JAZF1: variants seen among roughly 807,000 people sequenced by gnomAD.
JAZF1 encodes juxtaposed with another zinc finger protein 1.
In JAZF1, 8 loss-of-function variants were observed where a neutral mutation model predicts 26.4. The ratio of observed to expected loss-of-function variants is 0.30; its 90% CI spans 0.18 to 0.55. The LOEUF is 0.55. Among genes scored for constraint, JAZF1 ranks in the 20% least tolerant of loss-of-function variants. The pLI is 0.94. For missense variants in JAZF1, 199 were observed against 322.0 expected (o/e 0.62, Z 2.92); for synonymous variants, 126 against 122.3 (o/e 1.03, Z -0.20).
chr7:27,831,750 C>T lies in JAZF1; in HGVS notation c.*1050G>A, dbSNP rs1019804842. The T allele has an allele frequency of 1.8e-5, 4 of 224,484 alleles. No homozygotes were observed. The highest frequency in any genetic ancestry group is 1.1e-4 in the Admixed American group (2 of 17,442). 13.9% of individuals were successfully genotyped at this position (224,484 alleles called of 1,614,324 possible). ...GAAGAAGAGGCAATAGGGGTCTTAA[C>T]AAAAGTGTTCATCTTTGAAACGTGC... is the stretch of plus-strand genomic sequence containing the variant. On this transcript the variant is annotated 3_prime_UTR_variant, in exon 5 of 5. Coordinates refer to ENST00000283928, the MANE Select transcript of JAZF1 (RefSeq NM_175061.4).
chr7:28,035,313 C>CAAAAAAAAAGAAAAAA (rs1783268808), intron 1 of JAZF1, among the ~76,000 whole-genome samples: 1 of 27,470 alleles, frequency 3.6e-5, no homozygotes, highest in Non-Finnish European at 6.6e-5. Flanking sequence ...GACTCCATCT[C>CAAAAAAAAAGAAAAAA]AAAAAAAAAA....
intron 2 of JAZF1, among the ~76,000 whole-genome samples, chr7:27,926,089 C>T (rs1284246099): frequency 1.3e-5 from 2 of 152,168 alleles, no homozygotes; most frequent in East Asian, 3.8e-4. Context: ...TCAAGACAGA[C>T]AGGACATCTT....
chr7:27,957,988 T>TA (rs1392321184), intron 2 of JAZF1, among the ~76,000 whole-genome samples: 1 of 152,142 alleles, frequency 6.6e-6, no homozygotes, highest in Non-Finnish European at 1.5e-5. Context: ...GGTCATCACA[T>TA]AGAAACCTTG....
intron 1 of JAZF1, among the ~76,000 whole-genome samples, chr7:28,007,582 A>T (rs1782726366): frequency 6.6e-6 from 1 of 151,910 alleles, no homozygotes; most frequent in South Asian, 2.1e-4. Context: ...AAAAAAAAAA[A>T]TTATTTCTGG....
chr7:27,922,161 C>T (rs971250828), intron 2 of JAZF1, among the ~76,000 whole-genome samples: 5 of 152,180 alleles, frequency 3.3e-5, no homozygotes, highest in Admixed American at 6.5e-5. Flanking sequence ...TGAGGAAGTG[C>T]ATTGAAGACA....
At chr7:27,914,919 G>A in intron 2 of JAZF1, 2 of 446,116 alleles carry the variant, frequency 4.5e-6, no homozygotes, top group South Asian at 3.3e-5. Context: ...AGTAACCAGA[G>A]CGCCATTTAC....
At chr7:28,062,866 G>C (rs1783822541) in intron 1 of JAZF1, among the ~76,000 whole-genome samples, 1 of 152,122 alleles carries the variant, frequency 6.6e-6, no homozygotes, top group Admixed American at 6.5e-5. Context: ...GACCCAGACT[G>C]ACACTGTTTA....
intron 3 of JAZF1, among the ~76,000 whole-genome samples, chr7:27,890,867 G>A (rs11984440): frequency 0.18 from 25,565 of 139,882 alleles, 2,792 homozygotes; most frequent in East Asian, 0.49. Flanking sequence ...TCGGCTCACC[G>A]CAACCTCCAC....
chr7:28,058,598 T>C (rs1010036358), intron 1 of JAZF1, among the ~76,000 whole-genome samples: 11 of 152,240 alleles, frequency 7.2e-5, no homozygotes, highest in African/African-American at 2.4e-4. Context: ...ATCTCATTAA[T>C]GTTCAGCCTT....
In JAZF1 at chr7:28,176,632, A is replaced by G. The variant is rs73300657; in HGVS notation, c.115+3831T>C. Among the ~76,000 whole-genome samples the G allele has an allele frequency of 6.1e-3, 925 of 152,318 alleles. 13 individuals carry two copies. The highest frequency in any genetic ancestry group is 0.021 in the African/African-American group (883 of 41,552). ...TAGAATATAAACTTCCTAAAGAGTG[A>G]TATTTTCATTTTGTTAACCAAAAAA... On this transcript the variant is annotated intron_variant, in intron 1 of 4. Coordinates refer to ENST00000283928, the MANE Select transcript of JAZF1 (RefSeq NM_175061.4).
intron 1 of JAZF1, among the ~76,000 whole-genome samples, chr7:28,157,880 C>G (rs1783212479): frequency 6.6e-6 from 1 of 151,746 alleles, no homozygotes; most frequent in Non-Finnish European, 1.5e-5. Context: ...GGAAGAGTCC[C>G]CTTTATTTTT....
Position 27,966,169 on chromosome 7 carries a change from T to C in JAZF1, c.188+25740A>G, listed in dbSNP as rs150914222. 1.9e-3 allele frequency among the ~76,000 whole-genome samples: 290 copies of C among 152,278 alleles called. 2 individuals carry two copies. The highest frequency in any genetic ancestry group is 6.7e-3 in the African/African-American group (277 of 41,552). ...CACCCAACACATTAACACTACACAATACATTCCACAACTCTACAATGAGGG... is the reference window on the plus strand; with the variant it reads ...CACCCAACACATTAACACTACACAACACATTCCACAACTCTACAATGAGGG... On this transcript the variant is annotated intron_variant, in intron 2 of 4. Coordinates refer to ENST00000283928, the MANE Select transcript of JAZF1 (RefSeq NM_175061.4).
intron 2 of JAZF1, among the ~76,000 whole-genome samples, chr7:27,938,336 A>T (rs1175545929): frequency 6.6e-6 from 1 of 152,198 alleles, no homozygotes; most frequent in Non-Finnish European, 1.5e-5. Flanking sequence ...CTTCCCTGGG[A>T]AAAACAAAAC....
At chr7:28,047,620 A>G (rs1783519027) in intron 1 of JAZF1, among the ~76,000 whole-genome samples, 1 of 152,142 alleles carries the variant, frequency 6.6e-6, no homozygotes, top group South Asian at 2.1e-4. Context: ...ATATATGGTT[A>G]CTGATATCAG....
At chr7:27,992,698 C>T (rs1243472543) in intron 1 of JAZF1, among the ~76,000 whole-genome samples, 2 of 152,040 alleles carry the variant, frequency 1.3e-5, no homozygotes, top group Non-Finnish European at 2.9e-5. Context: ...AGAGAAATGA[C>T]TGTATAAATA....
chr7:27,833,157 G>A (rs956981023), intron 4 of JAZF1, 181 bp from the exon 5 acceptor site: 4 of 409,306 alleles, frequency 9.8e-6, no homozygotes, highest in South Asian at 7.2e-5. Flanking sequence ...TGGGCTGTAC[G>A]GATGGTCACA....
At chr7:28,130,014 G>T (rs1782764970) in intron 1 of JAZF1, among the ~76,000 whole-genome samples, 1 of 151,938 alleles carries the variant, frequency 6.6e-6, no homozygotes, top group Non-Finnish European at 1.5e-5. Flanking sequence ...TTAAATCAAG[G>T]AATTAAAATT....
At position 27,906,782 on chromosome 7, in the gene JAZF1, T is replaced by C. The variant is rs1041587149; in HGVS notation, c.189-11366A>G. On this transcript the variant is annotated intron_variant, in intron 2 of 4. Coordinates refer to ENST00000283928, the MANE Select transcript of JAZF1 (RefSeq NM_175061.4). ...CCTATCCTCCTTTCCGTTCCTTTTCTACCCTCATTGAATTGCAAATAACTA... is the reference window on the plus strand; with the variant it reads ...CCTATCCTCCTTTCCGTTCCTTTTCCACCCTCATTGAATTGCAAATAACTA... Among the ~76,000 whole-genome samples the C allele has an allele frequency of 1.3e-4, 20 of 152,262 alleles. 1 individual carries two copies. Among genetic ancestry groups the C allele is most frequent in the South Asian group, 4.1e-4 (2 of 4,836 alleles).
At chr7:28,123,051 T>C (rs1006310296) in intron 1 of JAZF1, among the ~76,000 whole-genome samples, 1 of 152,052 alleles carries the variant, frequency 6.6e-6, no homozygotes, top group African/African-American at 2.4e-5. Flanking sequence ...TTTTTCCAAC[T>C]CCCCCAGCCT....
Sources: gnomAD v4.1 joint callset for allele counts (sites outside exome capture counted in the v4.1 genomes callset) on GRCh38, gnomAD v4.1.1 for gene constraint, MANE v1.5 for transcripts, NCBI Gene and HGNC (gene_info 2026-07-23, HGNC 2026-07-21) for gene names.